Variants in SEPTIN6 observed in about 807,000 individuals in gnomAD.
SEPTIN6 encodes septin-6.
A neutral mutation model predicts 33.6 loss-of-function variants in SEPTIN6; 8 were observed. The observed-to-expected ratio is 0.24, with a 90% CI of 0.14 to 0.43. The LOEUF (loss-of-function observed/expected upper bound fraction) is 0.43. Ranked by LOEUF, SEPTIN6 falls within the 20% of genes least tolerant of loss-of-function variation. The pLI, the probability that SEPTIN6 is intolerant of heterozygous loss-of-function variation, is 1.00. For synonymous variants in SEPTIN6, 131 were observed against 140.0 expected, an observed-to-expected ratio of 0.94 and a Z score of 0.45; for missense variants, 250 against 340.8, an observed-to-expected ratio of 0.73 and a Z score of 2.10.
Position 119,617,415 on chromosome X carries a change from C to T in SEPTIN6, c.*2678G>A, listed in dbSNP as rs1440366062. 1 of 801,291 alleles carries T rather than the reference C, an allele frequency of 1.2e-6. No individual in the cohort carries two copies. The highest frequency in any genetic ancestry group is 1.5e-6 in the Non-Finnish European group (1 of 669,389). 66.0% of individuals were successfully genotyped at this position (801,291 alleles called of 1,213,427 possible). ...GTTCGATTTTTGTTCACCAAACTTCCCTGATTATAAGGGTCACCTAGGGCA... is the reference window on the plus strand; with the variant it reads ...GTTCGATTTTTGTTCACCAAACTTCTCTGATTATAAGGGTCACCTAGGGCA... On this transcript the variant is annotated 3_prime_UTR_variant, in exon 11 of 11. Transcript: ENST00000394610.
At chrX:119,657,969 C>CAAAA (rs766913963) in intron 3 of SEPTIN6, among the ~76,000 whole-genome samples, 1 of 110,039 alleles carries the variant, frequency 9.1e-6, no homozygotes. Flanking sequence ...ACTAAAAATA[C>CAAAA]AAAAAAAATT....
chrX:119,634,602 C>T (rs1420262057), intron 7 of SEPTIN6, among the ~76,000 whole-genome samples: 1 of 111,070 alleles, frequency 9.0e-6, no homozygotes, highest in Admixed American at 9.7e-5. Flanking sequence ...TGGATATGTA[C>T]ACACTGCATG....
rs910967735 is a variant in SEPTIN6 at position 119,667,824 on chromosome X, C to T, written c.146-4147G>A. Among the ~76,000 whole-genome samples the T allele has an allele frequency of 5.4e-5, 6 of 110,756 alleles. No homozygotes were observed. The East Asian group carries it at 1.1e-3, about 21-fold the overall frequency. The stretch of plus-strand genomic sequence containing the variant: ...CTGAGGAGTCCCGAGGGGTCAATTT[C>T]TCACTCCTCCTCCCCCAGCCCTCCC... On this transcript the variant is annotated intron_variant, in intron 2 of 10. Coordinates refer to ENST00000394610, the MANE Select transcript of SEPTIN6 (RefSeq NM_145799.4).
chrX:119,618,340 G>A lies in SEPTIN6; in HGVS notation c.*1753C>T. 2.4e-6 allele frequency: 2 copies of A among 816,425 alleles called. No homozygotes were observed. The highest frequency in any genetic ancestry group is 1.5e-6 in the Non-Finnish European group (1 of 678,171). 67.3% of individuals were successfully genotyped at this position (816,425 alleles called of 1,213,427 possible). A position where few individuals can be genotyped will look rare whatever the true frequency, so the allele number is the denominator to read the frequency against. On this transcript the variant is annotated 3_prime_UTR_variant, in exon 11 of 11. Coordinates refer to ENST00000394610, the MANE Select transcript of SEPTIN6 (RefSeq NM_145799.4). Reference sequence around the variant, plus strand: ...ATCAATAGAGCACCAAACCTACACAGCAAACCTATATTCTTGCTTTGTCAA... The same window carrying A: ...ATCAATAGAGCACCAAACCTACACAACAAACCTATATTCTTGCTTTGTCAA...
chrX:119,675,463 C>T, intron 2 of SEPTIN6, 91 bp downstream of exon 2: 1 of 440,700 alleles, frequency 2.3e-6, no homozygotes, highest in Non-Finnish European at 3.6e-6. Context: ...ATCAGAATGA[C>T]ACACTATTTA....
chrX:119,653,560 G>A (rs1263624427), intron 3 of SEPTIN6, among the ~76,000 whole-genome samples: 1 of 112,249 alleles, frequency 8.9e-6, no homozygotes, highest in Non-Finnish European at 1.9e-5. Context: ...TCCAAGCTGG[G>A]CTCATGTCTT....
intron 5 of SEPTIN6, among the ~76,000 whole-genome samples, chrX:119,643,919 T>C (rs1300863042): frequency 8.9e-6 from 1 of 111,798 alleles, no homozygotes; most frequent in Non-Finnish European, 1.9e-5. Flanking sequence ...GACCAGGCTC[T>C]GGCCCTCTGT....
At chrX:119,670,586 G>T (rs2054728082) in intron 2 of SEPTIN6, among the ~76,000 whole-genome samples, 1 of 101,833 alleles carries the variant, frequency 9.8e-6, no homozygotes, top group Admixed American at 1.1e-4. Context: ...AAAAGAAGAA[G>T]AAGAAGAATT....
chrX:119,667,460 G>A (rs902123295), intron 2 of SEPTIN6, among the ~76,000 whole-genome samples: 9 of 111,452 alleles, frequency 8.1e-5, no homozygotes, highest in Non-Finnish European at 1.7e-4. Flanking sequence ...AATAATGAAC[G>A]TCTGGAAGAA....
chrX:119,654,170 T>C (rs2054396031), intron 3 of SEPTIN6, among the ~76,000 whole-genome samples: 1 of 111,393 alleles, frequency 9.0e-6, no homozygotes, highest in African/African-American at 3.3e-5. Context: ...GCCAGCTCAC[T>C]GAGTCTCCAC....
intron 5 of SEPTIN6, among the ~76,000 whole-genome samples, chrX:119,649,111 A>ATTTTTTTTT (rs200217501): frequency 2.6e-5 from 2 of 75,716 alleles, no homozygotes; most frequent in African/African-American, 5.6e-5. Flanking sequence ...CATAACGCTG[A>ATTTTTTTTT]TTTTTTTTTT....
intron 1 of SEPTIN6, among the ~76,000 whole-genome samples, chrX:119,683,940 C>CTT (rs533602254): frequency 6.4e-5 from 6 of 94,300 alleles, no homozygotes; most frequent in African/African-American, 1.5e-4. Flanking sequence ...ATTATAACTT[C>CTT]TTTTTTTTTT....
At chrX:119,692,695 C>A (rs2055196831) in intron 1 of SEPTIN6, among the ~76,000 whole-genome samples, 1 of 112,903 alleles carries the variant, frequency 8.9e-6, no homozygotes, top group Non-Finnish European at 1.9e-5. Context: ...TGCGCAGGGG[C>A]GCGGCAAGGC....
Position 119,693,136 on chromosome X carries a change from T to C in SEPTIN6, c.-31A>G. 1 of 1,165,372 alleles carries C rather than the reference T, an allele frequency of 8.6e-7. No individual in the cohort carries two copies. Among genetic ancestry groups the C allele is most frequent in the East Asian group, 3.2e-5 (1 of 30,957 alleles). On this transcript the variant is annotated 5_prime_UTR_variant, in exon 1 of 11. Coordinates refer to ENST00000394610, the MANE Select transcript of SEPTIN6 (RefSeq NM_145799.4). ...CTGCGTCCGCCAGGGCTGCCACGGG[T>C]GCCGCCGCAACGGGAGCTACTGCAC...
chrX:119,684,482 G>GTTTTTT (rs1199777223), intron 1 of SEPTIN6, among the ~76,000 whole-genome samples: 13 of 79,437 alleles, frequency 1.6e-4, no homozygotes, highest in Non-Finnish European at 1.9e-4. Context: ...GTTCCCAGAG[G>GTTTTTT]TTTTTTTTTT....
Position 119,617,702 on chromosome X carries a change from C to A in SEPTIN6, c.*2391G>T. 1.3e-6 allele frequency: 1 copy of A among 795,442 alleles called. No individual in the cohort carries two copies. The highest frequency in any genetic ancestry group is 1.5e-6 in the Non-Finnish European group (1 of 660,478). The allele number at this position is 795,442 out of a possible 1,213,427, so 65.6% of individuals were successfully genotyped here. A position where few individuals can be genotyped will look rare whatever the true frequency, so the allele number is the denominator to read the frequency against. On this transcript the variant is annotated 3_prime_UTR_variant, in exon 11 of 11. Transcript: ENST00000394610. ...GTGAAACTGATTGGGAGTCAGGAGG[C>A]ATGAAAATTAGTCTGGCTTCTGCCT...
chrX:119,647,578 G>A (rs1432873341), intron 5 of SEPTIN6, among the ~76,000 whole-genome samples: 3 of 100,887 alleles, frequency 3.0e-5, no homozygotes, highest in Non-Finnish European at 3.9e-5. Flanking sequence ...CAACTTCCCA[G>A]GCTCAAGTAA....
At position 119,620,014 on chromosome X, in the gene SEPTIN6, C is replaced by G. The variant is rs758537705; in HGVS notation, c.*79G>C. The G allele has an allele frequency of 5.0e-6, 6 of 1,204,257 alleles. No individual in the cohort carries two copies. Among genetic ancestry groups the G allele is most frequent in the Non-Finnish European group, 6.7e-6 (6 of 893,507 alleles). ...AAATTAGAGAAAGGGAGGCCCAGCT[C>G]TGTTGCGCAGGAAAAGGGTGTCTAC... On this transcript the variant is annotated 3_prime_UTR_variant, in exon 11 of 11. Coordinates refer to ENST00000394610, the MANE Select transcript of SEPTIN6 (RefSeq NM_145799.4).
intron 7 of SEPTIN6, among the ~76,000 whole-genome samples, chrX:119,635,703 A>G (rs992263490): frequency 4.6e-4 from 51 of 111,581 alleles, no homozygotes; most frequent in African/African-American, 1.7e-3. Flanking sequence ...TTGAGTGGTT[A>G]TGCTGGGGAC....
Sources: gnomAD v4.1 joint callset for allele counts (sites outside exome capture counted in the v4.1 genomes callset) on GRCh38, gnomAD v4.1.1 for gene constraint, MANE v1.5 for transcripts, NCBI Gene and HGNC (gene_info 2026-07-23, HGNC 2026-07-21) for gene names.